The following PAK5 variants were observed in gnomAD, a reference collection of about 807,000 sequenced individuals.
PAK5 encodes p21 (RAC1) activated kinase 5, also known as serine/threonine-protein kinase PAK 5.
In PAK5, 16 loss-of-function variants were observed where a neutral mutation model predicts 65.9. The observed-to-expected ratio is 0.24, with a 90% confidence interval of 0.16 to 0.37. PAK5 has a LOEUF of 0.37. Among genes scored for constraint, PAK5 ranks in the 10% least tolerant of loss-of-function variants. The probability of loss-of-function intolerance (pLI) is 1.00; values close to 1 mark genes in which losing one functional copy is unlikely to be tolerated. For synonymous variants in PAK5, 371 were observed against 354.9 expected, an observed-to-expected ratio of 1.05 and a Z score of -0.51; for missense variants, 785 against 903.9, an observed-to-expected ratio of 0.87 and a Z score of 1.69.
intron 1 of PAK5, among the ~76,000 whole-genome samples, chr20:9,721,524 G>T (rs146970534): frequency 0.025 from 3,767 of 151,638 alleles, 169 homozygotes; most frequent in African/African-American, 0.086. Flanking sequence ...ATGGTGGCTC[G>T]CACCTGTAAT....
chr20:9,639,450 T>C (rs1027614174), intron 3 of PAK5, among the ~76,000 whole-genome samples: 1 of 152,088 alleles, frequency 6.6e-6, no homozygotes, highest in Non-Finnish European at 1.5e-5. Context: ...TTAAATGGAT[T>C]TGATCAACTT....
intron 3 of PAK5, among the ~76,000 whole-genome samples, chr20:9,599,196 A>C (rs2123098835): frequency 6.6e-6 from 1 of 152,354 alleles, no homozygotes; most frequent in African/African-American, 2.4e-5. Flanking sequence ...CATGTATAAG[A>C]ATTTCATTCC....
intron 1 of PAK5, among the ~76,000 whole-genome samples, chr20:9,741,513 C>T (rs2048450908): frequency 6.6e-6 from 1 of 152,128 alleles, no homozygotes; most frequent in Non-Finnish European, 1.5e-5. Flanking sequence ...GGAATGAGCT[C>T]AAGTCTCCAC....
chr20:9,812,627 A>G (rs1053374006), intron 1 of PAK5, among the ~76,000 whole-genome samples: 1 of 152,200 alleles, frequency 6.6e-6, no homozygotes, highest in Non-Finnish European at 1.5e-5. Flanking sequence ...AAGTTCATAC[A>G]TAAATGTCCA....
At chr20:9,752,741 A>C (rs2048591048) in intron 1 of PAK5, among the ~76,000 whole-genome samples, 1 of 152,144 alleles carries the variant, frequency 6.6e-6, no homozygotes, top group Non-Finnish European at 1.5e-5. Flanking sequence ...TGTAAAAATG[A>C]CCACATTTTG....
intron 5 of PAK5, 77 bp downstream of exon 5, chr20:9,565,816 T>C (rs1379447825): frequency 1.4e-6 from 2 of 1,386,508 alleles, no homozygotes; most frequent in African/African-American, 1.4e-5. Context: ...TGTCCTAAAA[T>C]GTACATGTGT....
intron 2 of PAK5, among the ~76,000 whole-genome samples, chr20:9,666,438 GAA>G (rs113311085): frequency 1.9e-3 from 260 of 134,834 alleles, no homozygotes; most frequent in Admixed American, 3.6e-3. Flanking sequence ...AAGGCGGAAT[GAA>G]AAAAAAAAAA....
At chr20:9,778,610 G>A (rs1260677226) in intron 1 of PAK5, among the ~76,000 whole-genome samples, 1 of 152,174 alleles carries the variant, frequency 6.6e-6, no homozygotes, top group African/African-American at 2.4e-5. Flanking sequence ...GAATGAGGCA[G>A]TGAGTTGTCC....
At position 9,647,889 on chromosome 20, in the gene PAK5, G is replaced by T. The variant is rs190754613; in HGVS notation, c.-11-3550C>A. On this transcript the variant is annotated intron_variant, in intron 2 of 9. Coordinates refer to ENST00000353224, the MANE Select transcript of PAK5 (RefSeq NM_177990.4). The stretch of plus-strand genomic sequence containing the variant: ...ATCAGCAGTGGCTACTACTCTGTTA[G>T]CAAGGAGGAGGCCCACACTCAGCTG... Among the ~76,000 whole-genome samples, 245 of 152,330 alleles carry T rather than the reference G, an allele frequency of 1.6e-3. 2 individuals carry two copies. The highest frequency in any genetic ancestry group is 4.6e-3 in the South Asian group (22 of 4,824).
At chr20:9,749,019 G>A (rs1340414820) in intron 1 of PAK5, among the ~76,000 whole-genome samples, 1 of 150,876 alleles carries the variant, frequency 6.6e-6, no homozygotes, top group African/African-American at 2.4e-5. Context: ...GGTTAGTTTG[G>A]TTATCTTTAG....
At chr20:9,685,946 G>C (rs1364282779) in intron 2 of PAK5, among the ~76,000 whole-genome samples, 1 of 152,168 alleles carries the variant, frequency 6.6e-6, no homozygotes, top group Non-Finnish European at 1.5e-5. Flanking sequence ...CCAACTTCTT[G>C]ATTAGCAAAG....
intron 3 of PAK5, among the ~76,000 whole-genome samples, chr20:9,598,317 C>T (rs1196050461): frequency 6.6e-6 from 1 of 152,160 alleles, no homozygotes; most frequent in Non-Finnish European, 1.5e-5. Flanking sequence ...GTGTGGTATT[C>T]CATGGTGTAT....
intron 2 of PAK5, among the ~76,000 whole-genome samples, chr20:9,672,100 CAG>C (rs2047507764): frequency 6.6e-6 from 1 of 151,858 alleles, no homozygotes; most frequent in Non-Finnish European, 1.5e-5. Flanking sequence ...GATTTTCCTA[CAG>C]AGGTAATCTT....
At chr20:9,768,525 G>A (rs1347172587) in intron 1 of PAK5, among the ~76,000 whole-genome samples, 2 of 152,168 alleles carry the variant, frequency 1.3e-5, no homozygotes. Flanking sequence ...GCTCACACCT[G>A]TAATCCCAGC....
chr20:9,799,687 T>C (rs1250333539), intron 1 of PAK5, among the ~76,000 whole-genome samples: 1 of 152,000 alleles, frequency 6.6e-6, no homozygotes, highest in East Asian at 1.9e-4. Flanking sequence ...GTTTTGGGAA[T>C]ATTTGGCCTA....
chr20:9,647,716 A>C (rs539488786), intron 2 of PAK5, among the ~76,000 whole-genome samples: 1 of 152,374 alleles, frequency 6.6e-6, no homozygotes, highest in East Asian at 1.9e-4. Context: ...TCAAACATGC[A>C]GTTCTACCTC....
intron 2 of PAK5, among the ~76,000 whole-genome samples, chr20:9,662,888 C>A (rs2876174): frequency 6.6e-6 from 1 of 151,924 alleles, no homozygotes; most frequent in Admixed American, 6.6e-5. Flanking sequence ...ACTCAGCTAG[C>A]TAGTGGCAGA....
intron 1 of PAK5, among the ~76,000 whole-genome samples, chr20:9,725,571 A>T (rs2048266997): frequency 6.6e-6 from 1 of 152,182 alleles, no homozygotes; most frequent in South Asian, 2.1e-4. Flanking sequence ...TTAGAAGGAA[A>T]ATTTTGAATA....
In PAK5 at chr20:9,537,548, G is replaced by A. The variant is rs372680231; in HGVS notation, c.*1914C>T. The A allele has an allele frequency of 1.9e-5, 4 of 208,170 alleles. No individual in the cohort carries two copies. The highest frequency in any genetic ancestry group is 2.3e-5 in the African/African-American group (1 of 43,904). The allele number at this position is 208,170 out of a possible 1,614,324, so 12.9% of individuals were successfully genotyped here. Reference sequence around the variant, plus strand: ...ACAGAAAAATTTCCATTACACTGTCGAAAATGTTTGGAATCCAAAATCCAC... The same window carrying A: ...ACAGAAAAATTTCCATTACACTGTCAAAAATGTTTGGAATCCAAAATCCAC... On this transcript the variant is annotated 3_prime_UTR_variant, in exon 10 of 10. Coordinates refer to ENST00000353224, the MANE Select transcript of PAK5 (RefSeq NM_177990.4).
Sources: allele counts gnomAD v4.1 joint callset (sites outside exome capture counted in the v4.1 genomes callset), GRCh38; gene constraint gnomAD v4.1.1; transcripts MANE v1.5; gene names NCBI Gene and HGNC (gene_info 2026-07-23, HGNC 2026-07-21).